Variants in SORCS3 observed in about 807,000 individuals in gnomAD.
SORCS3 encodes the protein VPS10 domain-containing receptor SorCS3.
A neutral mutation model predicts 146.3 loss-of-function variants in SORCS3; 57 were observed. The ratio of observed to expected loss-of-function variants is 0.39; its 90% CI spans 0.31 to 0.49. The LOEUF is 0.49. Among genes scored for constraint, SORCS3 ranks in the 20% least tolerant of loss-of-function variants. The pLI is 0.92. For missense variants in SORCS3, 1,341 were observed against 1,575.5 expected, an observed-to-expected ratio of 0.85 and a Z score of 2.52; for synonymous variants, 653 against 618.5, an observed-to-expected ratio of 1.06 and a Z score of -0.83.
chr10:105,236,482 G>T (rs1244851732), intron 20 of SORCS3, among the ~76,000 whole-genome samples: 1 of 152,108 alleles, frequency 6.6e-6, no homozygotes, highest in Non-Finnish European at 1.5e-5. Flanking sequence ...GCAGATGTGA[G>T]GGTTTGGCTG....
At chr10:105,009,084 G>A (rs2055115393) in intron 4 of SORCS3, among the ~76,000 whole-genome samples, 1 of 152,196 alleles carries the variant, frequency 6.6e-6, no homozygotes, top group South Asian at 2.1e-4. Flanking sequence ...TGTCAGTCAT[G>A]TGCTAAGTGC....
At chr10:105,164,523 C>A in intron 12 of SORCS3, 144 bp downstream of exon 12, 3 of 688,668 alleles carry the variant, frequency 4.4e-6, no homozygotes, top group Admixed American at 2.2e-5. Context: ...GTCAATTTGG[C>A]TGGCAGGTTA....
intron 1 of SORCS3, among the ~76,000 whole-genome samples, chr10:104,742,507 T>C (rs1185536086): frequency 1.3e-5 from 2 of 152,092 alleles, no homozygotes; most frequent in South Asian, 4.2e-4. Context: ...TACCAGTAGG[T>C]AGTGGCCACA....
intron 6 of SORCS3, among the ~76,000 whole-genome samples, chr10:105,102,655 T>A (rs1443367959): frequency 6.6e-6 from 1 of 151,994 alleles, no homozygotes; most frequent in Non-Finnish European, 1.5e-5. Flanking sequence ...CACATGTGCA[T>A]CCTGGATCTA....
chr10:105,234,968 A>G (rs761703168), intron 20 of SORCS3, among the ~76,000 whole-genome samples: 11 of 152,086 alleles, frequency 7.2e-5, no homozygotes, highest in Non-Finnish European at 1.6e-4. Context: ...AATGGCTGTA[A>G]ATAAGTCTTT....
intron 4 of SORCS3, among the ~76,000 whole-genome samples, chr10:105,023,765 G>C (rs1045153286): frequency 2.6e-5 from 4 of 151,968 alleles, no homozygotes; most frequent in Non-Finnish European, 5.9e-5. Context: ...GGACAATGGT[G>C]GGGGGTGTTG....
intron 1 of SORCS3, among the ~76,000 whole-genome samples, chr10:104,784,535 C>T (rs1192377731): frequency 6.6e-6 from 1 of 152,188 alleles, no homozygotes; most frequent in Non-Finnish European, 1.5e-5. Flanking sequence ...CCGGACAATG[C>T]AGAAGGAGAT....
chr10:104,906,563 T>C (rs933266242), intron 2 of SORCS3, among the ~76,000 whole-genome samples: 3 of 152,234 alleles, frequency 2.0e-5, no homozygotes, highest in African/African-American at 7.2e-5. Flanking sequence ...ACAAAAGCCC[T>C]AAGAACACAA....
At chr10:105,110,696 T>C (rs1407606683) in intron 7 of SORCS3, among the ~76,000 whole-genome samples, 1 of 152,152 alleles carries the variant, frequency 6.6e-6, no homozygotes, top group Non-Finnish European at 1.5e-5. Context: ...GTATATTGTG[T>C]TTCAGAGTTA....
At chr10:104,748,214 A>G (rs1476182746) in intron 1 of SORCS3, among the ~76,000 whole-genome samples, 1 of 152,200 alleles carries the variant, frequency 6.6e-6, no homozygotes. Flanking sequence ...TTTTGATGGC[A>G]TGATTCTATA....
rs1417260752 is a variant in SORCS3 at position 104,863,097 on chromosome 10, A to G, written c.695+20238A>G. On this transcript the variant is annotated intron_variant, in intron 2 of 26. Coordinates refer to ENST00000369701, the MANE Select transcript of SORCS3 (RefSeq NM_014978.3). ...AGCGGGAAGCTGAGGCTTTAATAAAATGGGTAAAATCTGCTGAGAGACATA... is the reference window on the plus strand; with the variant it reads ...AGCGGGAAGCTGAGGCTTTAATAAAGTGGGTAAAATCTGCTGAGAGACATA... Among the ~76,000 whole-genome samples, 3 of 152,206 alleles carry G rather than the reference A, an allele frequency of 2.0e-5. No homozygotes were observed. The East Asian group carries it at 5.8e-4, about 29-fold the overall frequency.
At chr10:104,819,881 C>T (rs937164372) in intron 1 of SORCS3, among the ~76,000 whole-genome samples, 1 of 152,162 alleles carries the variant, frequency 6.6e-6, no homozygotes, top group African/African-American at 2.4e-5. Flanking sequence ...AGTGACGTGG[C>T]CTTCACTTCC....
At chr10:105,246,990 G>A (rs982987427) in intron 21 of SORCS3, among the ~76,000 whole-genome samples, 1 of 152,204 alleles carries the variant, frequency 6.6e-6, no homozygotes, top group Non-Finnish European at 1.5e-5. Flanking sequence ...AAAGGCTTAA[G>A]ATCTTAGACA....
chr10:104,936,550 A>T (rs1276694397), intron 3 of SORCS3, among the ~76,000 whole-genome samples: 3 of 152,218 alleles, frequency 2.0e-5, no homozygotes, highest in Non-Finnish European at 4.4e-5. Context: ...AATGATAATC[A>T]GTTCGATTTG....
At chr10:105,038,953 T>TA (rs148326117) in intron 4 of SORCS3, among the ~76,000 whole-genome samples, 1 of 152,290 alleles carries the variant, frequency 6.6e-6, no homozygotes, top group African/African-American at 2.4e-5. Flanking sequence ...AAGAAGAACA[T>TA]ACTAATTGCC....
At chr10:105,198,155 C>T (rs1039042370) in intron 14 of SORCS3, among the ~76,000 whole-genome samples, 12 of 152,144 alleles carry the variant, frequency 7.9e-5, no homozygotes, top group African/African-American at 2.9e-4. Flanking sequence ...TTCTGTCTGC[C>T]TAGTAACCTT....
At chr10:105,130,516 G>A (rs2056011113) in intron 7 of SORCS3, among the ~76,000 whole-genome samples, 1 of 152,106 alleles carries the variant, frequency 6.6e-6, no homozygotes, top group African/African-American at 2.4e-5. Context: ...CAGTTGTGCT[G>A]TCAGTATTTA....
intron 2 of SORCS3, among the ~76,000 whole-genome samples, chr10:104,884,309 C>T (rs900582919): frequency 1.3e-5 from 2 of 152,124 alleles, no homozygotes; most frequent in East Asian, 1.9e-4. Context: ...TCAACCACGT[C>T]GAGACTGCTC....
At chr10:104,996,160 G>C (rs2055025632) in intron 4 of SORCS3, among the ~76,000 whole-genome samples, 1 of 152,056 alleles carries the variant, frequency 6.6e-6, no homozygotes, top group African/African-American at 2.4e-5. Context: ...GGATTTCTTG[G>C]TCACTGTGGT....
Sources: gnomAD v4.1 joint callset for allele counts (sites outside exome capture counted in the v4.1 genomes callset) on GRCh38, gnomAD v4.1.1 for gene constraint, MANE v1.5 for transcripts, NCBI Gene and HGNC (gene_info 2026-07-23, HGNC 2026-07-21) for gene names.